The following ITSN1 variants were observed in gnomAD, a reference collection of about 807,000 sequenced individuals.
ITSN1 encodes intersectin-1.
Under a neutral mutation model 239.8 loss-of-function variants are expected in ITSN1, and 58 were observed. The ratio of observed to expected loss-of-function variants is 0.24; its 90% confidence interval spans 0.20 to 0.30. ITSN1 has a LOEUF of 0.30. ITSN1 is among the 10% of genes least tolerant of loss of function. ITSN1 has a pLI of 1.00. For synonymous variants in ITSN1, 780 were observed against 770.8 expected (o/e 1.01, Z -0.20); for missense variants, 1,558 against 2,103.3 (o/e 0.74, Z 5.07).
At chr21:33,647,716 A>G (rs1601408735) in intron 1 of ITSN1, among the ~76,000 whole-genome samples, 1 of 152,078 alleles carries the variant, frequency 6.6e-6, no homozygotes, top group East Asian at 1.9e-4. Flanking sequence ...GGCTGGTCTC[A>G]TGCTCCTAAC....
chr21:33,663,769 A>T (rs554229695), intron 1 of ITSN1, among the ~76,000 whole-genome samples: 1 of 152,168 alleles, frequency 6.6e-6, no homozygotes. Context: ...CGCCTGGCTA[A>T]TTTTTTGTAT....
intron 29 of ITSN1, among the ~76,000 whole-genome samples, chr21:33,838,826 C>T (rs1215604763): frequency 1.3e-5 from 2 of 152,204 alleles, no homozygotes; most frequent in Non-Finnish European, 2.9e-5. Flanking sequence ...TGATTTGGCT[C>T]AGGGTACAAA....
intron 1 of ITSN1, among the ~76,000 whole-genome samples, chr21:33,715,990 G>A (rs2065114065): frequency 6.6e-6 from 1 of 152,086 alleles, no homozygotes. Flanking sequence ...AACAGTAAAG[G>A]AGACAGTGAC....
At chr21:33,660,901 C>T (rs942840321) in intron 1 of ITSN1, among the ~76,000 whole-genome samples, 1 of 152,128 alleles carries the variant, frequency 6.6e-6, no homozygotes, top group Non-Finnish European at 1.5e-5. Context: ...ATGTATTGGT[C>T]ATTTGGAAAA....
chr21:33,875,109 G>A (rs1983502084), intron 33 of ITSN1, among the ~76,000 whole-genome samples: 1 of 152,212 alleles, frequency 6.6e-6, no homozygotes, highest in Non-Finnish European at 1.5e-5. Flanking sequence ...TGTGGGGCTG[G>A]ACTGAGACCT....
chr21:33,873,299 A>T (rs1983063588), intron 33 of ITSN1, among the ~76,000 whole-genome samples: 1 of 152,262 alleles, frequency 6.6e-6, no homozygotes, highest in Non-Finnish European at 1.5e-5. Context: ...CATTGTTTGT[A>T]TGTGGACAAG....
rs143762960 is a variant in ITSN1, at chr21:33,746,194, C to A, written c.347-3949C>A. Among the ~76,000 whole-genome samples the A allele has an allele frequency of 1.8e-3, 275 of 152,182 alleles. 1 individual carries two copies. The highest frequency in any genetic ancestry group is 6.5e-3 in the African/African-American group (269 of 41,490). Reference sequence around the variant, plus strand: ...CAGATTTTTCTGAATTAGCCTATGCCGGTTACTAAATAAAGATAGAAACAA... The same window carrying A: ...CAGATTTTTCTGAATTAGCCTATGCAGGTTACTAAATAAAGATAGAAACAA... On this transcript the variant is annotated intron_variant, in intron 5 of 39. Coordinates refer to ENST00000381318, the MANE Select transcript of ITSN1 (RefSeq NM_003024.3).
chr21:33,663,102 A>G (rs2089681453), intron 1 of ITSN1, among the ~76,000 whole-genome samples: 1 of 152,238 alleles, frequency 6.6e-6, no homozygotes, highest in Non-Finnish European at 1.5e-5. Context: ...AGGAGCAGGA[A>G]TTATTTATTG....
rs114059739 is a variant in ITSN1, at chr21:33,675,084, T to C, written c.-33+32371T>C. ...ATTTATGTGAATTACCTTGACCATA[T>C]GGTTTTATAACCTAATTTTTTCAGT... On this transcript the variant is annotated intron_variant, in intron 1 of 39. Coordinates refer to ENST00000381318, the MANE Select transcript of ITSN1 (RefSeq NM_003024.3). Among the ~76,000 whole-genome samples the C allele has an allele frequency of 2.3e-3, 343 of 152,356 alleles. 1 individual carries two copies. The highest frequency in any genetic ancestry group is 8.0e-3 in the African/African-American group (334 of 41,576).
At chr21:33,817,244 T>TCCACCCCTCCATGAGACTAGG in intron 22 of ITSN1, 1 of 1,300,622 alleles carries the variant, frequency 7.7e-7, no homozygotes, top group Non-Finnish European at 1.0e-6. Flanking sequence ...GACTTCCTCC[T>TCCACCCCTCCATGAGACTAGG]CCACCCCTCC....
intron 1 of ITSN1, among the ~76,000 whole-genome samples, chr21:33,669,057 T>C (rs2090096472): frequency 6.6e-6 from 1 of 152,184 alleles, no homozygotes; most frequent in African/African-American, 2.4e-5. Flanking sequence ...TTCTGGTTTG[T>C]TTATGTGTTC....
At chr21:33,738,997 T>G (rs987837209) in intron 5 of ITSN1, among the ~76,000 whole-genome samples, 1 of 151,130 alleles carries the variant, frequency 6.6e-6, no homozygotes, top group Non-Finnish European at 1.5e-5. Flanking sequence ...GTCTTGCTCT[T>G]TTGCCCAGGC....
At chr21:33,652,182 C>A (rs138218650) in intron 1 of ITSN1, among the ~76,000 whole-genome samples, 1 of 152,104 alleles carries the variant, frequency 6.6e-6, no homozygotes, top group African/African-American at 2.4e-5. Context: ...TTAGGGACCA[C>A]GAGCACTGAA....
chr21:33,681,068 A>G (rs1281085038), intron 1 of ITSN1, among the ~76,000 whole-genome samples: 1 of 152,184 alleles, frequency 6.6e-6, no homozygotes, highest in Non-Finnish European at 1.5e-5. Flanking sequence ...CTCATACTTC[A>G]TTGGCCAAAA....
At chr21:33,684,523 A>T (rs1057300674) in intron 1 of ITSN1, among the ~76,000 whole-genome samples, 2 of 152,204 alleles carry the variant, frequency 1.3e-5, no homozygotes, top group Admixed American at 6.5e-5. Flanking sequence ...AGAGATAGTT[A>T]AAAATTTGTT....
rs80252956 is a variant in ITSN1, at chr21:33,883,542, C to A, written c.4555-8C>A. 1.7e-3 allele frequency: 2,722 copies of A among 1,613,062 alleles called. 46 individuals carry two copies. In the African/African-American group the frequency reaches 0.032, roughly 19 times the overall value. ...CTCGCTTTGTAATGCCTGTGTGTTACTTTCCAGCCTATTTTCCTAAATGAG... is the reference window on the plus strand; with the variant it reads ...CTCGCTTTGTAATGCCTGTGTGTTAATTTCCAGCCTATTTTCCTAAATGAG... On this transcript the variant is annotated splice_polypyrimidine_tract_variant and splice_region_variant and intron_variant, in intron 35 of 39. Coordinates refer to ENST00000381318, the MANE Select transcript of ITSN1 (RefSeq NM_003024.3).
rs1465868243 is a variant in ITSN1 at position 33,898,030 on chromosome 21, T to C, written c.*9730T>C. On this transcript the variant is annotated 3_prime_UTR_variant, in exon 40 of 40. Coordinates refer to ENST00000381318, the MANE Select transcript of ITSN1 (RefSeq NM_003024.3). Reference sequence around the variant, plus strand: ...TTGGTGTTGCATTAAAAATGGATTTTTGCAGATCACATATCTGAGAGGGTA... The same window carrying C: ...TTGGTGTTGCATTAAAAATGGATTTCTGCAGATCACATATCTGAGAGGGTA... The C allele has an allele frequency of 6.6e-6, 1 of 152,192 alleles. No homozygotes were observed. Among genetic ancestry groups the C allele is most frequent in the Non-Finnish European group, 1.5e-5 (1 of 68,040 alleles). 9.4% of individuals were successfully genotyped at this position (152,192 alleles called of 1,614,324 possible). A position where few individuals can be genotyped will look rare whatever the true frequency, so the allele number is the denominator to read the frequency against.
intron 4 of ITSN1, among the ~76,000 whole-genome samples, chr21:33,733,905 A>AT (rs1366699794): frequency 2.6e-5 from 4 of 152,014 alleles, no homozygotes; most frequent in Admixed American, 6.6e-5. Context: ...ACTTTTAGAG[A>AT]TTTTTTTATC....
chr21:33,697,234 A>ATTTTTTTTTTTTTTTT (rs11419453), intron 1 of ITSN1, among the ~76,000 whole-genome samples: 1 of 121,708 alleles, frequency 8.2e-6, no homozygotes, highest in African/African-American at 3.1e-5. Flanking sequence ...CACCTGGCTA[A>ATTTTTTTTTTTTTTTT]TTTTTTTTTT....
Sources: gnomAD v4.1 joint callset for allele counts (sites outside exome capture counted in the v4.1 genomes callset) on GRCh38, gnomAD v4.1.1 for gene constraint, MANE v1.5 for transcripts, NCBI Gene and HGNC (gene_info 2026-07-23, HGNC 2026-07-21) for gene names.